Variants in EYS observed in about 807,000 individuals in gnomAD.
EYS encodes protein eyes shut homolog.
Under a neutral mutation model 282.1 loss-of-function variants are expected in EYS, and 250 were observed. That is an observed-to-expected ratio of 0.89 (90% CI 0.80 to 0.98). The LOEUF (loss-of-function observed/expected upper bound fraction) is 0.98, where lower values mean the gene tolerates loss of function less well. Among genes scored for constraint, EYS ranks in the 50% least tolerant of loss-of-function variants. EYS has a pLI of 0.00. For missense variants in EYS, 4,016 were observed against 3,709.0 expected, an observed-to-expected ratio of 1.08 and a Z score of -2.15; for synonymous variants, 1,355 against 1,282.9, an observed-to-expected ratio of 1.06 and a Z score of -1.20.
chr6:65,468,141 A>G (rs886439967), intron 5 of EYS, among the ~76,000 whole-genome samples: 3 of 152,150 alleles, frequency 2.0e-5, no homozygotes, highest in African/African-American at 7.2e-5. Context: ...CTTTATCCTT[A>G]AAGGGAAAGT....
At chr6:65,219,823 G>T (rs1383175829) in intron 12 of EYS, among the ~76,000 whole-genome samples, 1 of 152,104 alleles carries the variant, frequency 6.6e-6, no homozygotes, top group African/African-American at 2.4e-5. Context: ...AGGCAAGAGA[G>T]AATGAGAACC....
At chr6:64,574,694 A>G (rs1291076209) in intron 26 of EYS, among the ~76,000 whole-genome samples, 1 of 152,206 alleles carries the variant, frequency 6.6e-6, no homozygotes, top group East Asian at 1.9e-4. Context: ...TTATGTTTTT[A>G]AAGTTCAACC....
At chr6:64,409,058 G>T (rs1443583810) in intron 28 of EYS, among the ~76,000 whole-genome samples, 1 of 152,072 alleles carries the variant, frequency 6.6e-6, no homozygotes, top group Non-Finnish European at 1.5e-5. Flanking sequence ...TTGGTTTTCT[G>T]TTCTTACTTT....
intron 15 of EYS, among the ~76,000 whole-genome samples, chr6:64,921,972 T>TA (rs201800841): frequency 0.034 from 4,946 of 145,910 alleles, 137 homozygotes; most frequent in East Asian, 0.13. Context: ...GAACAAAAAT[T>TA]AAAAAAAAAA....
intron 12 of EYS, among the ~76,000 whole-genome samples, chr6:65,101,660 G>C (rs889177125): frequency 2.0e-5 from 3 of 151,228 alleles, no homozygotes; most frequent in African/African-American, 7.2e-5. Context: ...ACACTGTCCT[G>C]GACCAAATTG....
intron 37 of EYS, among the ~76,000 whole-genome samples, chr6:63,798,565 G>C (rs1325276999): frequency 1.3e-5 from 2 of 152,086 alleles, no homozygotes; most frequent in African/African-American, 4.8e-5. Flanking sequence ...TAGGGAATTG[G>C]CCATAGCCTG....
At position 64,690,816 on chromosome 6, in the gene EYS, C is replaced by A. The variant is rs1770353983; in HGVS notation, c.3444-64571G>T. On this transcript the variant is annotated intron_variant, in intron 22 of 42. Transcript: ENST00000503581. ...GACAAAGGATGGGGAACATCACACA[C>A]TGGGGCCTGTCCTGGGGTGGGGGGA... 2.0e-5 allele frequency among the ~76,000 whole-genome samples: 3 copies of A among 151,778 alleles called. No homozygotes were observed. In the South Asian group the frequency reaches 6.3e-4, roughly 32 times the overall value.
rs139812260 is a variant in EYS, at chr6:64,637,765, G to C, written c.3444-11520C>G. Among the ~76,000 whole-genome samples the C allele has an allele frequency of 3.5e-3, 309 of 88,986 alleles. 112 individuals are homozygous for C. Among genetic ancestry groups the C allele is most frequent in the African/African-American group, 0.013 (293 of 23,264 alleles). The allele number at this position is 88,986 out of a possible 152,430, so 58.4% of individuals were successfully genotyped here. A position where few individuals can be genotyped will look rare whatever the true frequency, so the allele number is the denominator to read the frequency against. On this transcript the variant is annotated intron_variant, in intron 22 of 42. Transcript: ENST00000503581. ...CAGTGTGGGGAGGGAGCTGGGAGAG[G>C]GAGAGCATCAGGAAGAATAGCTGGT...
chr6:65,321,924 G>T (rs934726588), intron 11 of EYS, among the ~76,000 whole-genome samples: 4 of 152,140 alleles, frequency 2.6e-5, no homozygotes, highest in Non-Finnish European at 5.9e-5. Context: ...GGGAGAATAG[G>T]CAAGTCACTT....
chr6:63,963,353 AG>A (rs1766166807), intron 35 of EYS, among the ~76,000 whole-genome samples: 1 of 152,220 alleles, frequency 6.6e-6, no homozygotes. Flanking sequence ...ACTTTATAAA[AG>A]AAAATTAAAA....
chr6:64,464,506 CT>C (rs1180768420), intron 26 of EYS, among the ~76,000 whole-genome samples: 1 of 152,018 alleles, frequency 6.6e-6, no homozygotes, highest in African/African-American at 2.4e-5. Flanking sequence ...TAAATTGTCC[CT>C]GTTTACAAGC....
intron 41 of EYS, among the ~76,000 whole-genome samples, chr6:63,754,598 G>A (rs1414142346): frequency 2.0e-5 from 3 of 152,130 alleles, no homozygotes; most frequent in Non-Finnish European, 4.4e-5. Context: ...TCATTGATGG[G>A]CATTTGGGTT....
chr6:64,348,301 C>T (rs941535140), intron 29 of EYS, among the ~76,000 whole-genome samples: 8 of 151,430 alleles, frequency 5.3e-5, no homozygotes, highest in African/African-American at 1.9e-4. Flanking sequence ...GAAGACCATG[C>T]TTTTCTCTAG....
chr6:64,645,383 T>C (rs1202553735), intron 22 of EYS, among the ~76,000 whole-genome samples: 4 of 152,222 alleles, frequency 2.6e-5, no homozygotes, highest in African/African-American at 9.6e-5. Flanking sequence ...GGAACATCAG[T>C]CCTGTATGTA....
chr6:64,308,771 A>C (rs981313788), intron 29 of EYS, among the ~76,000 whole-genome samples: 1 of 152,044 alleles, frequency 6.6e-6, no homozygotes, highest in Non-Finnish European at 1.5e-5. Context: ...AAAGACTCTC[A>C]CCTGGTAATA....
rs565179792 is a variant in EYS, at chr6:65,247,939, G to GA, written c.2023+47923dup. On this transcript the variant is annotated intron_variant, in intron 12 of 42. Coordinates refer to ENST00000503581, the MANE Select transcript of EYS (RefSeq NM_001142800.2). The stretch of plus-strand genomic sequence containing the variant: ...GACTCTCTTTATTTTGCTTATTTTG[G>GA]AAAAAAATGGGCCTTTATAAAACCT... Among the ~76,000 whole-genome samples the GA allele has an allele frequency of 3.3e-5, 5 of 151,726 alleles. No homozygotes were observed. In the South Asian group the frequency reaches 1.0e-3, roughly 32 times the overall value.
chr6:64,296,790 A>T (rs1207977375), intron 30 of EYS, among the ~76,000 whole-genome samples: 1 of 151,670 alleles, frequency 6.6e-6, no homozygotes, highest in African/African-American at 2.4e-5. Flanking sequence ...TATTTTTAGT[A>T]GAGACGGGGT....
intron 27 of EYS, among the ~76,000 whole-genome samples, chr6:64,438,453 A>G (rs1774823704): frequency 6.6e-6 from 1 of 151,766 alleles, no homozygotes; most frequent in Admixed American, 6.6e-5. Flanking sequence ...GAATAAGGCA[A>G]ATAACACCCC....
intron 36 of EYS, among the ~76,000 whole-genome samples, chr6:63,837,013 T>C (rs934921667): frequency 1.3e-5 from 2 of 152,098 alleles, no homozygotes; most frequent in Non-Finnish European, 2.9e-5. Context: ...GTTGGGACTA[T>C]TTTTGTTTTG....
Sources: allele counts gnomAD v4.1 joint callset (sites outside exome capture counted in the v4.1 genomes callset), GRCh38; gene constraint gnomAD v4.1.1; transcripts MANE v1.5; gene names NCBI Gene and HGNC (gene_info 2026-07-23, HGNC 2026-07-21).